Variants in QTMAN observed in about 807,000 individuals in gnomAD.
QTMAN encodes tRNA-queuosine alpha-mannosyltransferase.
the QTMAN span, chr2:143,947,192 G>C: frequency 8.0e-7 from 1 of 1,256,984 alleles, no homozygotes; most frequent in East Asian, 2.3e-5. Flanking sequence ...ATGACTAAAA[G>C]ATGAAAGTAT....
chr2:144,060,401 T>C, the QTMAN span, among the ~76,000 whole-genome samples: 2 of 152,204 alleles, frequency 1.3e-5, no homozygotes, highest in African/African-American at 4.8e-5. Flanking sequence ...GCTGGGATTA[T>C]AGGCGCCTGG....
the QTMAN span, among the ~76,000 whole-genome samples, chr2:144,185,972 T>C: frequency 6.6e-6 from 1 of 152,178 alleles, no homozygotes; most frequent in African/African-American, 2.4e-5. Context: ...TGTTTGCCTG[T>C]ATAATAACAG....
At chr2:143,947,627 T>C in the QTMAN span, among the ~76,000 whole-genome samples, 1 of 152,178 alleles carries the variant, frequency 6.6e-6, no homozygotes, top group Non-Finnish European at 1.5e-5. Flanking sequence ...ATTATACCAG[T>C]ACTTCAGGGG....
At chr2:144,317,987 T>G in the QTMAN span, among the ~76,000 whole-genome samples, 2 of 152,184 alleles carry the variant, frequency 1.3e-5, no homozygotes, top group African/African-American at 2.4e-5. Flanking sequence ...ATTATTATAT[T>G]TTGAAAATGG....
the QTMAN span, among the ~76,000 whole-genome samples, chr2:144,323,044 C>CT: frequency 1.3e-5 from 2 of 152,184 alleles, no homozygotes; most frequent in Non-Finnish European, 2.9e-5. Context: ...TGGCAACAAA[C>CT]TGTCAGTTGT....
At chr2:144,127,180 A>G in the QTMAN span, among the ~76,000 whole-genome samples, 1 of 152,040 alleles carries the variant, frequency 6.6e-6, no homozygotes, top group Non-Finnish European at 1.5e-5. Context: ...TCAAGTACTC[A>G]AAGATTACAT....
At chr2:144,306,958 G>C in the QTMAN span, among the ~76,000 whole-genome samples, 3 of 151,352 alleles carry the variant, frequency 2.0e-5, no homozygotes, top group Admixed American at 2.0e-4. Context: ...TCAGGAGTTC[G>C]AGACCAGCCT....
At chr2:144,185,895 A>G in the QTMAN span, among the ~76,000 whole-genome samples, 1 of 152,242 alleles carries the variant, frequency 6.6e-6, no homozygotes, top group Non-Finnish European at 1.5e-5. Context: ...GGAAAGCTAT[A>G]GACATAGGAA....
chr2:143,983,456 G>C, the QTMAN span, among the ~76,000 whole-genome samples: 1 of 144,808 alleles, frequency 6.9e-6, no homozygotes, highest in Non-Finnish European at 1.5e-5. Flanking sequence ...ACTGAAATGT[G>C]TCATTTTTGA....
the QTMAN span, among the ~76,000 whole-genome samples, chr2:144,058,133 AACACACAC>A: frequency 3.0e-4 from 29 of 97,222 alleles, no homozygotes; most frequent in South Asian, 1.6e-3. Flanking sequence ...CACCCCGCTA[AACACACAC>A]ACACACACAC....
chr2:144,331,680 G>A, the QTMAN span, among the ~76,000 whole-genome samples: 2 of 152,258 alleles, frequency 1.3e-5, no homozygotes, highest in South Asian at 2.1e-4. Flanking sequence ...CGGGACTAAA[G>A]GTTAAATTTC....
the QTMAN span, chr2:144,332,579 G>C: frequency 1.3e-5 from 2 of 149,256 alleles, no homozygotes; most frequent in Admixed American, 6.7e-5. Flanking sequence ...CGGCCTCCGG[G>C]CGCGTCAGGC....
the QTMAN span, among the ~76,000 whole-genome samples, chr2:143,959,742 TATAAA>T: frequency 6.6e-6 from 1 of 151,280 alleles, no homozygotes; most frequent in Non-Finnish European, 1.5e-5. Context: ...ACTTTGAGGT[TATAAA>T]ATATTTTTTT....
the QTMAN span, among the ~76,000 whole-genome samples, chr2:144,282,377 T>C: frequency 8.9e-3 from 1,323 of 148,754 alleles, 14 homozygotes; most frequent in African/African-American, 0.03. Context: ...TTCACCCATA[T>C]ATAATATTTA....
the QTMAN span, among the ~76,000 whole-genome samples, chr2:144,025,334 C>G: frequency 6.6e-6 from 1 of 152,116 alleles, no homozygotes; most frequent in South Asian, 2.1e-4. Flanking sequence ...ACTGCATGCC[C>G]CCTAAAATAT....
the QTMAN span, among the ~76,000 whole-genome samples, chr2:144,219,039 C>T: frequency 6.6e-6 from 1 of 151,828 alleles, no homozygotes; most frequent in African/African-American, 2.4e-5. Context: ...AATAGATATC[C>T]TTAAATGGAT....
chr2:144,164,575 C>T, the QTMAN span, among the ~76,000 whole-genome samples: 1 of 152,142 alleles, frequency 6.6e-6, no homozygotes, highest in Non-Finnish European at 1.5e-5. Context: ...TTCTTCTACA[C>T]ATGAACAGTA....
At chr2:143,976,549 G>A in the QTMAN span, among the ~76,000 whole-genome samples, 2 of 152,008 alleles carry the variant, frequency 1.3e-5, no homozygotes, top group Non-Finnish European at 2.9e-5. Context: ...CTATGCTTTC[G>A]AGGGCCACAC....
the QTMAN span, among the ~76,000 whole-genome samples, chr2:143,962,300 T>A: frequency 2.0e-5 from 3 of 152,050 alleles, no homozygotes; most frequent in Non-Finnish European, 4.4e-5. Context: ...TTTGACTGTG[T>A]CTACATGGGG....
Sources: gnomAD v4.1 joint callset for allele counts (sites outside exome capture counted in the v4.1 genomes callset) on GRCh38, gnomAD v4.1.1 for gene constraint, MANE v1.5 for transcripts, NCBI Gene and HGNC (gene_info 2026-07-23, HGNC 2026-07-21) for gene names.